Variants in PDE1A observed in about 807,000 individuals in gnomAD.
PDE1A encodes the protein phosphodiesterase 1A, also known as dual specificity calcium/calmodulin-dependent 3',5'-cyclic nucleotide phosphodiesterase 1A.
Under a neutral mutation model 61.7 loss-of-function variants are expected in PDE1A, and 35 were observed. The ratio of observed to expected loss-of-function variants is 0.57; its 90% confidence interval spans 0.43 to 0.75. PDE1A has a LOEUF of 0.75. Among genes scored for constraint, PDE1A ranks in the 30% least tolerant of loss-of-function variants. PDE1A has a pLI of 0.00. For synonymous variants in PDE1A, 232 were observed against 213.2 expected, an observed-to-expected ratio of 1.09 and a Z score of -0.77; for missense variants, 597 against 630.6, an observed-to-expected ratio of 0.95 and a Z score of 0.57.
At chr2:182,243,446 G>A (rs555328102) in intron 2 of PDE1A, among the ~76,000 whole-genome samples, 36 of 152,242 alleles carry the variant, frequency 2.4e-4, no homozygotes, top group Non-Finnish European at 4.9e-4. Context: ...ACAAAGGCCC[G>A]AGGCATGATC....
At chr2:182,540,382 AAAAGCAGCAGCAGCAGC>A in the PDE1A span, among the ~76,000 whole-genome samples, 1 of 138,638 alleles carries the variant, frequency 7.2e-6, no homozygotes, top group African/African-American at 2.6e-5. Flanking sequence ...AAAAAAAAAA[AAAAGCAGCAGCAGCAGC>A]AGCAGCAGCA....
chr2:182,481,327 T>C (rs1687688184), intron 2 of PDE1A, among the ~76,000 whole-genome samples: 1 of 151,842 alleles, frequency 6.6e-6, no homozygotes, highest in South Asian at 2.1e-4. Flanking sequence ...TATCATAGTC[T>C]TCAACAAGTG....
chr2:182,282,752 T>C (rs1334375325), intron 1 of PDE1A, among the ~76,000 whole-genome samples: 2 of 152,038 alleles, frequency 1.3e-5, no homozygotes, highest in Non-Finnish European at 2.9e-5. Flanking sequence ...TATAAATATA[T>C]AGTCTACATG....
intron 7 of PDE1A, among the ~76,000 whole-genome samples, chr2:182,221,628 C>T (rs968847280): frequency 1.3e-5 from 2 of 152,016 alleles, no homozygotes; most frequent in Non-Finnish European, 2.9e-5. Flanking sequence ...ACAGAATGCC[C>T]TCCCCAACAC....
intron 1 of PDE1A, among the ~76,000 whole-genome samples, chr2:182,287,479 G>A (rs1694245169): frequency 6.6e-6 from 1 of 152,076 alleles, no homozygotes; most frequent in African/African-American, 2.4e-5. Context: ...ATCCTTGAGT[G>A]TTTTATTCCC....
At chr2:182,307,590 C>A (rs1695672097) in intron 1 of PDE1A, among the ~76,000 whole-genome samples, 1 of 152,118 alleles carries the variant, frequency 6.6e-6, no homozygotes, top group Admixed American at 6.6e-5. Flanking sequence ...GTAAGACAAT[C>A]ACTGGATCAT....
At chr2:182,172,810 G>A (rs751197602) in intron 13 of PDE1A, among the ~76,000 whole-genome samples, 26 of 151,978 alleles carry the variant, frequency 1.7e-4, no homozygotes, top group Non-Finnish European at 3.5e-4. Context: ...ATTCTATGAG[G>A]AGGGAAGAAC....
At chr2:182,548,969 G>A in the PDE1A span, among the ~76,000 whole-genome samples, 2 of 152,182 alleles carry the variant, frequency 1.3e-5, no homozygotes, top group African/African-American at 4.8e-5. Context: ...AAGACGTTAA[G>A]TCCAACTAAT....
intron 1 of PDE1A, among the ~76,000 whole-genome samples, chr2:182,316,709 T>C (rs534581538): frequency 4.6e-5 from 7 of 152,196 alleles, no homozygotes; most frequent in Non-Finnish European, 7.3e-5. Context: ...ATATTGTATA[T>C]TGTACTTTAC....
intron 10 of PDE1A, among the ~76,000 whole-genome samples, chr2:182,199,956 TC>T (rs1686478268): frequency 1.4e-5 from 2 of 138,864 alleles, no homozygotes; most frequent in Non-Finnish European, 3.1e-5. Flanking sequence ...GAACAAACTT[TC>T]AAAATACCAC....
At chr2:182,348,770 G>A (rs1698678001) in intron 1 of PDE1A, among the ~76,000 whole-genome samples, 1 of 151,516 alleles carries the variant, frequency 6.6e-6, no homozygotes, top group Non-Finnish European at 1.5e-5. Context: ...TTGTGACAGA[G>A]CTTTGGGCTA....
At chr2:182,368,874 T>C (rs1317237379) in intron 1 of PDE1A, among the ~76,000 whole-genome samples, 1 of 152,196 alleles carries the variant, frequency 6.6e-6, no homozygotes, top group Non-Finnish European at 1.5e-5. Flanking sequence ...TAGTGAACAC[T>C]CATTAAATGG....
the PDE1A span, among the ~76,000 whole-genome samples, chr2:182,569,658 G>A: frequency 2.1e-4 from 32 of 152,284 alleles, no homozygotes; most frequent in South Asian, 6.2e-4. Flanking sequence ...AGTAGAAATG[G>A]AAAACATAGT....
intron 1 of PDE1A, among the ~76,000 whole-genome samples, chr2:182,409,934 CAAAAT>C (rs1405778400): frequency 6.6e-6 from 1 of 152,096 alleles, no homozygotes; most frequent in Non-Finnish European, 1.5e-5. Flanking sequence ...ATAAAGAACT[CAAAAT>C]CAAATGTGTT....
At chr2:182,636,433 G>A in the PDE1A span, among the ~76,000 whole-genome samples, 7 of 152,046 alleles carry the variant, frequency 4.6e-5, no homozygotes, top group East Asian at 1.4e-3. Flanking sequence ...AGTTAGGTTT[G>A]TACGGGAAGT....
the PDE1A span, among the ~76,000 whole-genome samples, chr2:182,695,691 A>AC: frequency 6.7e-6 from 1 of 148,330 alleles, no homozygotes. Context: ...AAAAAGAAAA[A>AC]GAAAAAGAAA....
intron 1 of PDE1A, among the ~76,000 whole-genome samples, chr2:182,352,445 C>A (rs745986924): frequency 6.6e-6 from 1 of 152,112 alleles, no homozygotes; most frequent in Admixed American, 6.5e-5. Flanking sequence ...AGGCTAACTT[C>A]TTGGCTTCTA....
chr2:182,253,586 A>G (rs372645625), intron 2 of PDE1A, among the ~76,000 whole-genome samples: 3 of 152,184 alleles, frequency 2.0e-5, no homozygotes, highest in African/African-American at 7.2e-5. Context: ...GAATCATATC[A>G]CATGTCCAAG....
At chr2:182,449,038 C>T (rs1038083720) in intron 2 of PDE1A, among the ~76,000 whole-genome samples, 4 of 114,536 alleles carry the variant, frequency 3.5e-5, no homozygotes, top group Non-Finnish European at 5.4e-5. Context: ...TACAGGATCA[C>T]ATCATACACA....
Sources: gnomAD v4.1 joint callset for allele counts (sites outside exome capture counted in the v4.1 genomes callset) on GRCh38, gnomAD v4.1.1 for gene constraint, MANE v1.5 for transcripts, NCBI Gene and HGNC (gene_info 2026-07-23, HGNC 2026-07-21) for gene names.